Variants in RBFOX1 observed in about 807,000 individuals in gnomAD.
RBFOX1 encodes the protein RNA binding fox-1 homolog 1, also known as RNA binding protein fox-1 homolog 1.
RBFOX1 carries 8 observed loss-of-function variants against 57.7 expected under a neutral mutation model. The ratio of observed to expected loss-of-function variants is 0.14; its 90% CI spans 0.08 to 0.25. The LOEUF (loss-of-function observed/expected upper bound fraction) is 0.25. RBFOX1 is among the 10% of genes least tolerant of loss of function. RBFOX1 has a pLI of 1.00. For synonymous variants in RBFOX1, 326 were observed against 222.4 expected (o/e 1.47, Z -4.15); for missense variants, 611 against 548.5 (o/e 1.11, Z -1.14).
At chr16:6,144,769 A>C (rs1240572006) in intron 1 of RBFOX1, among the ~76,000 whole-genome samples, 1 of 152,230 alleles carries the variant, frequency 6.6e-6, no homozygotes, top group African/African-American at 2.4e-5. Flanking sequence ...AGCAATAGCC[A>C]CATAATTTAA....
At chr16:6,073,979 C>G (rs1414884507) in intron 1 of RBFOX1, among the ~76,000 whole-genome samples, 2 of 152,062 alleles carry the variant, frequency 1.3e-5, no homozygotes, top group Non-Finnish European at 1.5e-5. Context: ...GACAGAGTCT[C>G]ACTCTGTCGC....
chr16:5,643,073 G>C (rs1004125475), intron 3 of RBFOX1, among the ~76,000 whole-genome samples: 2 of 152,156 alleles, frequency 1.3e-5, no homozygotes. Context: ...CCAGATTGTG[G>C]GATATGGGCA....
intron 1 of RBFOX1, among the ~76,000 whole-genome samples, chr16:6,210,377 A>AAAAAAAAAAG (rs1555552426): frequency 1.6e-5 from 2 of 128,438 alleles, no homozygotes; most frequent in Non-Finnish European, 3.4e-5. Flanking sequence ...AAAAAAAAAA[A>AAAAAAAAAAG]AGAGAAAGGA....
intron 3 of RBFOX1, among the ~76,000 whole-genome samples, chr16:5,809,856 C>T (rs2055358534): frequency 6.6e-6 from 1 of 152,074 alleles, no homozygotes; most frequent in South Asian, 2.1e-4. Context: ...AATCACGCTG[C>T]TATAAAGACA....
At chr16:5,832,357 C>G (rs908748826) in intron 3 of RBFOX1, among the ~76,000 whole-genome samples, 1 of 152,180 alleles carries the variant, frequency 6.6e-6, no homozygotes, top group Non-Finnish European at 1.5e-5. Context: ...CTGAGGTAGG[C>G]AGGGAAGAAT....
intron 2 of RBFOX1, among the ~76,000 whole-genome samples, chr16:6,552,271 T>C (rs2153880945): frequency 2.0e-5 from 3 of 152,262 alleles, no homozygotes; most frequent in African/African-American, 7.2e-5. Context: ...GCAACCCCTT[T>C]TCTTTAAAAG....
At chr16:7,356,280 C>T (rs900125329) in intron 4 of RBFOX1, among the ~76,000 whole-genome samples, 2 of 152,164 alleles carry the variant, frequency 1.3e-5, no homozygotes, top group African/African-American at 4.8e-5. Context: ...GAGGCCCACA[C>T]AGGCATCATC....
intron 2 of RBFOX1, among the ~76,000 whole-genome samples, chr16:6,354,010 A>G (rs1433324118): frequency 6.6e-6 from 1 of 152,182 alleles, no homozygotes; most frequent in Non-Finnish European, 1.5e-5. Flanking sequence ...ACCTGAGGTC[A>G]GGAGTTGAAG....
At chr16:6,613,726 C>T (rs1209020196) in intron 2 of RBFOX1, among the ~76,000 whole-genome samples, 1 of 152,144 alleles carries the variant, frequency 6.6e-6, no homozygotes. Context: ...CACTCGAGGC[C>T]AAGCGTTTGA....
chr16:7,019,092 G>A (rs1184598769), intron 3 of RBFOX1, among the ~76,000 whole-genome samples: 2 of 152,122 alleles, frequency 1.3e-5, no homozygotes, highest in Non-Finnish European at 2.9e-5. Flanking sequence ...GTGTATGTCT[G>A]TGTGTGTATG....
At chr16:7,449,255 C>G (rs994801699) in intron 4 of RBFOX1, among the ~76,000 whole-genome samples, 1 of 152,016 alleles carries the variant, frequency 6.6e-6, no homozygotes, top group African/African-American at 2.4e-5. Flanking sequence ...AGGTCATATT[C>G]TAAAGTTCTA....
chr16:7,180,109 G>T (rs2082410846), intron 4 of RBFOX1, among the ~76,000 whole-genome samples: 2 of 152,036 alleles, frequency 1.3e-5, no homozygotes, highest in African/African-American at 4.8e-5. Flanking sequence ...GTCCACAGCA[G>T]CCCTGATATC....
At chr16:6,073,276 G>C in intron 1 of RBFOX1, among the ~76,000 whole-genome samples, 1 of 152,178 alleles carries the variant, frequency 6.6e-6, no homozygotes, top group East Asian at 1.9e-4. Context: ...TGATGAGCAG[G>C]TATTAGGTTG....
intron 3 of RBFOX1, among the ~76,000 whole-genome samples, chr16:6,720,129 A>C (rs1568345585): frequency 2.6e-5 from 4 of 152,044 alleles, no homozygotes; most frequent in South Asian, 4.2e-4. Context: ...AAATAACAAA[A>C]TGTTAGTAAA....
intron 4 of RBFOX1, among the ~76,000 whole-genome samples, chr16:7,428,313 G>T (rs1028651675): frequency 4.1e-5 from 6 of 145,240 alleles, no homozygotes; most frequent in East Asian, 2.1e-4. Context: ...TGACCTATGA[G>T]AATTAATATC....
At chr16:7,615,790 A>G (rs1447127910) in intron 10 of RBFOX1, among the ~76,000 whole-genome samples, 2 of 152,196 alleles carry the variant, frequency 1.3e-5, no homozygotes. Context: ...GGACGCTTCA[A>G]AACACCCTGC....
intron 3 of RBFOX1, among the ~76,000 whole-genome samples, chr16:6,945,912 G>T (rs1426984885): frequency 6.6e-6 from 1 of 152,182 alleles, no homozygotes; most frequent in Non-Finnish European, 1.5e-5. Context: ...GGAATCTGCT[G>T]GTGCTAACCC....
intron 2 of RBFOX1, among the ~76,000 whole-genome samples, chr16:5,590,636 G>T (rs754033928): frequency 2.0e-5 from 3 of 152,160 alleles, no homozygotes; most frequent in African/African-American, 7.2e-5. Flanking sequence ...CTCCCAGATC[G>T]GGCACTGAGG....
chr16:6,814,961 C>A (rs79552319), intron 3 of RBFOX1, among the ~76,000 whole-genome samples: 2 of 152,142 alleles, frequency 1.3e-5, no homozygotes, highest in Admixed American at 1.3e-4. Context: ...AATGGCTGTT[C>A]TACAGGCAGA....
Sources: allele counts gnomAD v4.1 joint callset (sites outside exome capture counted in the v4.1 genomes callset), GRCh38; gene constraint gnomAD v4.1.1; transcripts MANE v1.5; gene names NCBI Gene and HGNC (gene_info 2026-07-23, HGNC 2026-07-21).